Variants in TBK1 observed in about 807,000 individuals in gnomAD.
TBK1 encodes TANK binding kinase 1.
Under a neutral mutation model 99.9 loss-of-function variants are expected in TBK1, and 37 were observed. That is an observed-to-expected ratio of 0.37 (90% confidence interval 0.28 to 0.49). The LOEUF (loss-of-function observed/expected upper bound fraction) is 0.49. Ranked by LOEUF, TBK1 falls within the 20% of genes least tolerant of loss-of-function variation. The pLI, the probability that TBK1 is intolerant of heterozygous loss-of-function variation, is 0.98. For synonymous variants in TBK1, 258 were observed against 279.8 expected (o/e 0.92, Z 0.78); for missense variants, 644 against 872.5 (o/e 0.74, Z 3.30).
chr12:64,468,237 G>T (rs569541559), intron 5 of TBK1, among the ~76,000 whole-genome samples: 13 of 152,054 alleles, frequency 8.5e-5, no homozygotes, highest in African/African-American at 3.1e-4. Context: ...GCTCATGCCT[G>T]TAATCCCAGC....
chr12:64,471,452 A>C (rs1366028801), intron 5 of TBK1, among the ~76,000 whole-genome samples: 1 of 152,104 alleles, frequency 6.6e-6, no homozygotes, highest in Admixed American at 6.6e-5. Context: ...TCCTGGATTC[A>C]AGCAATTCTC....
At chr12:64,486,724 A>C (rs1391199856) in intron 11 of TBK1, among the ~76,000 whole-genome samples, 1 of 152,100 alleles carries the variant, frequency 6.6e-6, no homozygotes, top group African/African-American at 2.4e-5. Context: ...CAGCCTTCAC[A>C]ACATTGAGAT....
intron 6 of TBK1, 102 bp from the exon 7 acceptor site, chr12:64,479,910 T>G (rs189985714): frequency 1.5e-6 from 1 of 662,420 alleles, no homozygotes; most frequent in Non-Finnish European, 2.6e-6. Context: ...TTTCATCTAG[T>G]AGATAATTGT....
At chr12:64,477,299 A>G (rs552476807) in intron 6 of TBK1, among the ~76,000 whole-genome samples, 14 of 152,344 alleles carry the variant, frequency 9.2e-5, no homozygotes, top group Non-Finnish European at 1.5e-4. Context: ...ACCCATGCGC[A>G]TGGAATGCTT....
At chr12:64,485,653 A>G (rs893453917) in intron 10 of TBK1, 140 bp downstream of exon 10, 1 of 488,518 alleles carries the variant, frequency 2.0e-6, no homozygotes, top group Non-Finnish European at 3.5e-6. Flanking sequence ...ACCCTTTCCA[A>G]GTGATTTTGT....
At chr12:64,471,909 G>T (rs1380685184) in intron 5 of TBK1, among the ~76,000 whole-genome samples, 8 of 152,104 alleles carry the variant, frequency 5.3e-5, no homozygotes, top group Non-Finnish European at 1.2e-4. Flanking sequence ...CACCGTGTGA[G>T]GAGGTCCGTC....
At chr12:64,495,361 C>T (rs545821965) in intron 13 of TBK1, 122 bp from the exon 14 acceptor site, 3 of 1,223,262 alleles carry the variant, frequency 2.5e-6, no homozygotes, top group Admixed American at 2.4e-5. Context: ...GAAATAATTA[C>T]TGTGCCTTTG....
intron 13 of TBK1, among the ~76,000 whole-genome samples, chr12:64,494,317 A>G (rs933946073): frequency 6.8e-6 from 1 of 146,264 alleles, no homozygotes; most frequent in Non-Finnish European, 1.5e-5. Context: ...AAAAAAAGAA[A>G]AAAAAGAAAA....
intron 20 of TBK1, among the ~76,000 whole-genome samples, chr12:64,498,642 G>A (rs1323472603): frequency 1.3e-5 from 2 of 152,050 alleles, no homozygotes; most frequent in Non-Finnish European, 2.9e-5. Flanking sequence ...GTTCTCAAAC[G>A]CTTGTAATGC....
chr12:64,461,374 A>G (rs1051929830), intron 3 of TBK1, among the ~76,000 whole-genome samples: 7 of 152,174 alleles, frequency 4.6e-5, no homozygotes, highest in African/African-American at 1.7e-4. Flanking sequence ...GGAAATAGAA[A>G]TTATTTTAAT....
chr12:64,477,415 G>C (rs975461211), intron 6 of TBK1, among the ~76,000 whole-genome samples: 30 of 152,128 alleles, frequency 2.0e-4, no homozygotes, highest in African/African-American at 7.2e-4. Context: ...GTGTCTGTGT[G>C]TGGCTATGGT....
At chr12:64,454,670 A>ATTTTTTTTTTTTTTTTTTTT (rs1565809913) in intron 1 of TBK1, among the ~76,000 whole-genome samples, 1 of 101,798 alleles carries the variant, frequency 9.8e-6, no homozygotes, top group Non-Finnish European at 1.9e-5. Flanking sequence ...AGAAACTCAG[A>ATTTTTTTTTTTTTTTTTTTT]TCTTTTTTTT....
intron 5 of TBK1, among the ~76,000 whole-genome samples, chr12:64,473,162 G>A (rs2040678423): frequency 6.6e-6 from 1 of 152,216 alleles, no homozygotes; most frequent in African/African-American, 2.4e-5. Context: ...AAGACCAAGA[G>A]TCAATTTTGG....
chr12:64,501,431 G>T lies in TBK1; in HGVS notation c.*50G>T, dbSNP rs1043545690. On this transcript the variant is annotated 3_prime_UTR_variant, in exon 21 of 21. Transcript: ENST00000331710. ...GTTTCCGTTTGCACAAGAAAATAAC[G>T]CTTGGGCATTAAATGAATGCCTTTA... 1 of 1,578,942 alleles carries T rather than the reference G, an allele frequency of 6.3e-7. No individual in the cohort carries two copies. The highest frequency in any genetic ancestry group is 8.7e-7 in the Non-Finnish European group (1 of 1,153,780).
At chr12:64,496,810 G>A (rs533568668) in intron 16 of TBK1, 139 bp from the exon 17 acceptor site, 8 of 603,990 alleles carry the variant, frequency 1.3e-5, no homozygotes, top group Admixed American at 6.8e-5. Flanking sequence ...TCTTAGAAAC[G>A]TTTACTTTCT....
At chr12:64,471,256 C>T (rs1343889668) in intron 5 of TBK1, among the ~76,000 whole-genome samples, 3 of 151,224 alleles carry the variant, frequency 2.0e-5, no homozygotes, top group Non-Finnish European at 2.9e-5. Flanking sequence ...TCAAGCTCCA[C>T]CTCCCAGGTT....
chr12:64,475,584 A>G (rs2040703669), intron 6 of TBK1, among the ~76,000 whole-genome samples: 1 of 152,252 alleles, frequency 6.6e-6, no homozygotes, highest in South Asian at 2.1e-4. Flanking sequence ...CGCAAGATTT[A>G]GCTCTCATTT....
intron 1 of TBK1, chr12:64,452,855 C>T (rs2136049535): frequency 6.6e-6 from 1 of 152,292 alleles, no homozygotes; most frequent in South Asian, 2.1e-4. Flanking sequence ...TAGGTGGCCT[C>T]AAAACAACTC....
In TBK1 at chr12:64,497,688, G is replaced by C; in HGVS notation, c.2000G>C (p.Ser667Thr). The C allele has an allele frequency of 6.3e-7, 1 of 1,599,058 alleles. No individual in the cohort carries two copies. The stretch of plus-strand genomic sequence containing the variant: ...CCTCAGAAAATGTTTACAGCTTCCA[G>C]TGGAATCAAACATACCATGACCCCA... ...TLPQKMFTAS[S>T]GIKHTMTPIY... Residue 667 changes from serine to threonine, a missense_variant, in exon 19 of 21, where the codon AGT (serine) becomes ACT (threonine). Transcript: ENST00000331710.
Sources: allele counts gnomAD v4.1 joint callset (sites outside exome capture counted in the v4.1 genomes callset), GRCh38; gene constraint gnomAD v4.1.1; transcripts MANE v1.5; gene names NCBI Gene and HGNC (gene_info 2026-07-23, HGNC 2026-07-21).